Variants in SGCD observed in about 807,000 individuals in gnomAD.
The protein encoded by SGCD is sarcoglycan delta.
SGCD carries 18 observed loss-of-function variants against 36.6 expected under a neutral mutation model. The ratio of observed to expected loss-of-function variants is 0.49; its 90% CI spans 0.34 to 0.73. SGCD has a LOEUF of 0.73. Among genes scored for constraint, SGCD ranks in the 30% least tolerant of loss-of-function variants. The pLI, the probability that SGCD is intolerant of heterozygous loss-of-function variation, is 0.01. For synonymous variants in SGCD, 133 were observed against 130.6 expected, an observed-to-expected ratio of 1.02 and a Z score of -0.12; for missense variants, 387 against 346.7, an observed-to-expected ratio of 1.12 and a Z score of -0.92.
chr5:155,846,186 T>C, the SGCD span, among the ~76,000 whole-genome samples: 1 of 152,210 alleles, frequency 6.6e-6, no homozygotes, highest in Non-Finnish European at 1.5e-5. Flanking sequence ...AACCTTAGCG[T>C]ATTCGTCTTT....
chr5:156,025,877 C>T (rs1333271994), intron 1 of SGCD, among the ~76,000 whole-genome samples: 12 of 152,196 alleles, frequency 7.9e-5, no homozygotes, highest in Non-Finnish European at 1.6e-4. Context: ...TAGTTTTGTT[C>T]ATGCTGTTTA....
chr5:156,559,287 C>T (rs1404605361), intron 4 of SGCD, among the ~76,000 whole-genome samples: 1 of 152,096 alleles, frequency 6.6e-6, no homozygotes, highest in Non-Finnish European at 1.5e-5. Context: ...CATCTGTCAT[C>T]CCCTCCTTCT....
chr5:156,265,569 C>T (rs1006048344), intron 3 of SGCD, among the ~76,000 whole-genome samples: 2 of 151,444 alleles, frequency 1.3e-5, no homozygotes, highest in African/African-American at 2.4e-5. Context: ...AAAAATTTGC[C>T]AGGTAATTAA....
chr5:156,558,466 A>C (rs1029308525), intron 4 of SGCD, among the ~76,000 whole-genome samples: 9 of 152,090 alleles, frequency 5.9e-5, no homozygotes, highest in Non-Finnish European at 1.3e-4. Context: ...ACACTCCTAA[A>C]TTACTACTTG....
intron 7 of SGCD, among the ~76,000 whole-genome samples, chr5:156,667,673 C>T (rs1165175446): frequency 6.6e-6 from 1 of 152,180 alleles, no homozygotes; most frequent in Admixed American, 6.5e-5. Flanking sequence ...TGAATTTGGC[C>T]TAAATGCCTA....
At chr5:156,633,671 C>A (rs1762717688) in intron 6 of SGCD, among the ~76,000 whole-genome samples, 1 of 152,196 alleles carries the variant, frequency 6.6e-6, no homozygotes, top group Non-Finnish European at 1.5e-5. Flanking sequence ...CAATACATGT[C>A]AGCAGTTGAT....
chr5:156,448,453 C>T (rs943128213), intron 3 of SGCD, among the ~76,000 whole-genome samples: 1 of 152,088 alleles, frequency 6.6e-6, no homozygotes, highest in Admixed American at 6.6e-5. Flanking sequence ...TTAGTGTGAT[C>T]TCTGGTATAA....
chr5:156,515,783 C>T (rs1233626392), intron 4 of SGCD, among the ~76,000 whole-genome samples: 3 of 152,236 alleles, frequency 2.0e-5, no homozygotes, highest in Admixed American at 6.5e-5. Flanking sequence ...ACCAAGTTTC[C>T]AGAGGGGAAG....
chr5:156,719,824 C>CT (rs76672672), intron 7 of SGCD, among the ~76,000 whole-genome samples: 2,509 of 138,658 alleles, frequency 0.018, 57 homozygotes, highest in African/African-American at 0.053. Flanking sequence ...GTCAAAGAAA[C>CT]TTTTTTTTTT....
At chr5:155,903,205 T>A (rs1165603385) in intron 1 of SGCD, among the ~76,000 whole-genome samples, 1 of 152,242 alleles carries the variant, frequency 6.6e-6, no homozygotes, top group Non-Finnish European at 1.5e-5. Flanking sequence ...TGGGCTGTGC[T>A]GGGTTCCATT....
chr5:156,291,222 A>G (rs1766749000), intron 3 of SGCD, among the ~76,000 whole-genome samples: 2 of 152,142 alleles, frequency 1.3e-5, no homozygotes, highest in African/African-American at 2.4e-5. Flanking sequence ...ACCGTATTCT[A>G]TATTTCAAAA....
intron 3 of SGCD, among the ~76,000 whole-genome samples, chr5:156,444,361 C>T (rs1040015368): frequency 3.9e-5 from 6 of 151,944 alleles, no homozygotes; most frequent in Non-Finnish European, 8.8e-5. Flanking sequence ...TATTTCTATC[C>T]TTTGGGATAG....
chr5:156,104,084 A>C (rs1046509238), intron 1 of SGCD, among the ~76,000 whole-genome samples: 1 of 152,132 alleles, frequency 6.6e-6, no homozygotes, highest in Non-Finnish European at 1.5e-5. Context: ...CTTAGTATTA[A>C]TTAATAACTT....
intron 1 of SGCD, among the ~76,000 whole-genome samples, chr5:156,328,910 G>A (rs1021415147): frequency 3.3e-5 from 5 of 152,004 alleles, no homozygotes; most frequent in African/African-American, 7.2e-5. Context: ...GGCATGAACC[G>A]TAGTCAAGCC....
chr5:156,137,411 A>G (rs1762485366), intron 3 of SGCD, among the ~76,000 whole-genome samples: 1 of 152,234 alleles, frequency 6.6e-6, no homozygotes, highest in Non-Finnish European at 1.5e-5. Flanking sequence ...GAGAACATGT[A>G]GAAAAATAAT....
intron 3 of SGCD, among the ~76,000 whole-genome samples, chr5:156,506,228 G>C (rs1424862455): frequency 6.6e-6 from 1 of 152,076 alleles, no homozygotes; most frequent in African/African-American, 2.4e-5. Flanking sequence ...ATTCAGAAAA[G>C]GGATTTTTGG....
chr5:155,990,467 T>C (rs1758409890), intron 1 of SGCD, among the ~76,000 whole-genome samples: 1 of 152,192 alleles, frequency 6.6e-6, no homozygotes, highest in Non-Finnish European at 1.5e-5. Context: ...TATGATATTT[T>C]TGTAGACAGT....
chr5:156,179,947 A>T (rs1208911372), intron 3 of SGCD, among the ~76,000 whole-genome samples: 1 of 152,164 alleles, frequency 6.6e-6, no homozygotes, highest in Non-Finnish European at 1.5e-5. Context: ...ATGATACTGC[A>T]GTTGGTGAAA....
intron 3 of SGCD, among the ~76,000 whole-genome samples, chr5:156,236,050 A>G (rs1765155658): frequency 6.6e-6 from 1 of 152,250 alleles, no homozygotes; most frequent in Non-Finnish European, 1.5e-5. Context: ...AATCTATCCA[A>G]TCTTATTTTT....
Sources: gnomAD v4.1 joint callset for allele counts (sites outside exome capture counted in the v4.1 genomes callset) on GRCh38, gnomAD v4.1.1 for gene constraint, MANE v1.5 for transcripts, NCBI Gene and HGNC (gene_info 2026-07-23, HGNC 2026-07-21) for gene names.